Variants in ZNF521 observed in about 807,000 individuals in gnomAD.
ZNF521 encodes the protein zinc finger protein 521, also known as LYST-interacting protein 3.
ZNF521 carries 14 observed loss-of-function variants against 105.5 expected under a neutral mutation model. The observed-to-expected ratio is 0.13, with a 90% confidence interval of 0.09 to 0.21. The LOEUF (loss-of-function observed/expected upper bound fraction) is 0.21, where lower values mean the gene tolerates loss of function less well. Ranked by LOEUF, ZNF521 falls within the 10% of genes least tolerant of loss-of-function variation. The pLI, the probability that ZNF521 is intolerant of heterozygous loss-of-function variation, is 1.00. For synonymous variants in ZNF521, 635 were observed against 606.0 expected (o/e 1.05, Z -0.70); for missense variants, 1,233 against 1,629.7 (o/e 0.76, Z 4.19).
chr18:25,216,274 G>T (rs1568014231), intron 4 of ZNF521, among the ~76,000 whole-genome samples: 1 of 151,922 alleles, frequency 6.6e-6, no homozygotes, highest in Admixed American at 6.6e-5. Flanking sequence ...TTGATTCTAA[G>T]ACACTTAAAA....
chr18:25,262,276 A>G (rs943874045), intron 3 of ZNF521, among the ~76,000 whole-genome samples: 1 of 152,172 alleles, frequency 6.6e-6, no homozygotes, highest in Non-Finnish European at 1.5e-5. Flanking sequence ...AAACAGCAAC[A>G]ATTTTAAGGC....
intron 5 of ZNF521, among the ~76,000 whole-genome samples, chr18:25,117,960 AT>A (rs1308010583): frequency 1.3e-5 from 2 of 152,086 alleles, no homozygotes; most frequent in East Asian, 3.8e-4. Context: ...TTCAAAAGCA[AT>A]ACAAAGGGAA....
At chr18:25,086,224 T>G (rs2144192334) in intron 7 of ZNF521, among the ~76,000 whole-genome samples, 1 of 152,220 alleles carries the variant, frequency 6.6e-6, no homozygotes, top group Non-Finnish European at 1.5e-5. Flanking sequence ...TTTAGAAAAT[T>G]TTTTTTCACT....
chr18:25,131,518 T>C lies in ZNF521; in HGVS notation c.3659-39437A>G, dbSNP rs151189910. On this transcript the variant is annotated intron_variant, in intron 5 of 7. Coordinates refer to ENST00000361524, the MANE Select transcript of ZNF521 (RefSeq NM_015461.3). ...TCAAATACTTTTTCCTGTGCTCCAG[T>C]TGATCATGGTACCTAGCTTTCCTAA... is the stretch of plus-strand genomic sequence containing the variant. Among the ~76,000 whole-genome samples, 495 of 152,280 alleles carry C rather than the reference T, an allele frequency of 3.3e-3. 3 individuals carry two copies. Among genetic ancestry groups the C allele is most frequent in the African/African-American group, 0.011 (473 of 41,566 alleles).
intron 5 of ZNF521, among the ~76,000 whole-genome samples, chr18:25,147,537 G>A (rs2034966986): frequency 6.6e-6 from 1 of 152,096 alleles, no homozygotes; most frequent in Non-Finnish European, 1.5e-5. Context: ...ATGGCATTGT[G>A]GGATTACATT....
At chr18:25,192,702 A>C (rs7239140) in intron 5 of ZNF521, among the ~76,000 whole-genome samples, 20,808 of 131,474 alleles carry the variant, frequency 0.16, 1,827 homozygotes, top group East Asian at 0.35. Context: ...AAAAAAAAAA[A>C]CCACACACAG....
In ZNF521 at chr18:25,322,553, ACC is replaced by A. The variant is rs71375177; in HGVS notation, c.41-368_41-367del. Among the ~76,000 whole-genome samples the A allele has an allele frequency of 4.1e-3, 505 of 122,246 alleles. 3 individuals carry two copies. The highest frequency in any genetic ancestry group is 0.014 in the African/African-American group (463 of 33,194). 80.2% of individuals were successfully genotyped at this position (122,246 alleles called of 152,430 possible). ...TCCAATGCAAAAAAAAAAAAAAAAA[ACC>A]CCCCCACTGTGCTTAAGAATGAACT... On this transcript the variant is annotated intron_variant, in intron 2 of 7. Coordinates refer to ENST00000361524, the MANE Select transcript of ZNF521 (RefSeq NM_015461.3).
intron 5 of ZNF521, among the ~76,000 whole-genome samples, chr18:25,113,903 C>A (rs993083311): frequency 2.0e-4 from 30 of 151,942 alleles, no homozygotes; most frequent in African/African-American, 6.8e-4. Flanking sequence ...AAACCCAGTA[C>A]AATTTCCTAA....
At chr18:25,230,671 T>C (rs1906475098) in intron 3 of ZNF521, among the ~76,000 whole-genome samples, 1 of 152,228 alleles carries the variant, frequency 6.6e-6, no homozygotes, top group African/African-American at 2.4e-5. Flanking sequence ...TAAGTGCTAC[T>C]TACAGGGACT....
chr18:25,078,795 G>A (rs1381919531), intron 7 of ZNF521, among the ~76,000 whole-genome samples: 1 of 152,188 alleles, frequency 6.6e-6, no homozygotes, highest in Non-Finnish European at 1.5e-5. Flanking sequence ...TATGAACGAG[G>A]TGCAGTTTCA....
chr18:25,283,081 T>C (rs1472601452), intron 3 of ZNF521, among the ~76,000 whole-genome samples: 1 of 152,212 alleles, frequency 6.6e-6, no homozygotes, highest in African/African-American at 2.4e-5. Context: ...GTGTAATGGA[T>C]GGGACAAGCA....
intron 2 of ZNF521, among the ~76,000 whole-genome samples, chr18:25,347,716 A>C (rs1462275792): frequency 6.6e-6 from 1 of 152,256 alleles, no homozygotes; most frequent in Non-Finnish European, 1.5e-5. Flanking sequence ...AACTGTTAAT[A>C]GAAATGTCCT....
At chr18:25,108,192 T>C (rs1416966433) in intron 5 of ZNF521, among the ~76,000 whole-genome samples, 1 of 152,244 alleles carries the variant, frequency 6.6e-6, no homozygotes, top group Non-Finnish European at 1.5e-5. Context: ...ACATGGCAAG[T>C]ATCTCATCCA....
At chr18:25,076,235 A>G (rs1395411596) in intron 7 of ZNF521, among the ~76,000 whole-genome samples, 3 of 152,230 alleles carry the variant, frequency 2.0e-5, no homozygotes, top group Non-Finnish European at 4.4e-5. Flanking sequence ...GCCTTAGGGT[A>G]AGTAAAAGGT....
At chr18:25,220,673 G>A (rs1905660130) in intron 4 of ZNF521, among the ~76,000 whole-genome samples, 1 of 152,162 alleles carries the variant, frequency 6.6e-6, no homozygotes, top group African/African-American at 2.4e-5. Flanking sequence ...GAGGATAATG[G>A]TAATGCTGGC....
At chr18:25,323,846 T>C (rs1016973634) in intron 2 of ZNF521, among the ~76,000 whole-genome samples, 1 of 152,094 alleles carries the variant, frequency 6.6e-6, no homozygotes, top group African/African-American at 2.4e-5. Context: ...TAAACAACTA[T>C]ATCACCACCC....
At chr18:25,099,835 A>C (rs1408883656) in intron 5 of ZNF521, among the ~76,000 whole-genome samples, 1 of 152,220 alleles carries the variant, frequency 6.6e-6, no homozygotes, top group Non-Finnish European at 1.5e-5. Flanking sequence ...TGAGTACTGT[A>C]CAAAACCCCC....
At chr18:25,090,466 T>C (rs1177702080) in intron 6 of ZNF521, among the ~76,000 whole-genome samples, 2 of 152,198 alleles carry the variant, frequency 1.3e-5, no homozygotes, top group Non-Finnish European at 2.9e-5. Context: ...ACATTTCTCA[T>C]TACCTTAAAA....
chr18:25,246,226 A>G (rs1034236034), intron 3 of ZNF521, among the ~76,000 whole-genome samples: 6 of 152,014 alleles, frequency 3.9e-5, no homozygotes, highest in African/African-American at 1.5e-4. Context: ...AAGTATAATA[A>G]ATAAATAAAT....
Sources: allele counts gnomAD v4.1 joint callset (sites outside exome capture counted in the v4.1 genomes callset), GRCh38; gene constraint gnomAD v4.1.1; transcripts MANE v1.5; gene names NCBI Gene and HGNC (gene_info 2026-07-23, HGNC 2026-07-21).